Variants in OR9Q1 observed in about 807,000 individuals in gnomAD.
The protein encoded by OR9Q1 is olfactory receptor 9Q1.
For missense variants in OR9Q1, 374 were observed against 378.8 expected, an observed-to-expected ratio of 0.99 and a Z score of 0.11; for synonymous variants, 153 against 148.6, an observed-to-expected ratio of 1.03 and a Z score of -0.22.
intron 2 of OR9Q1, chr11:58,075,321 A>G (rs1428894252): frequency 6.6e-6 from 1 of 152,146 alleles, no homozygotes; most frequent in Non-Finnish European, 1.5e-5. Flanking sequence ...GAGGTCCTTC[A>G]TGTCCCTTGT....
chr11:58,094,768 C>T (rs1025840942), intron 2 of OR9Q1, among the ~76,000 whole-genome samples: 2 of 152,084 alleles, frequency 1.3e-5, no homozygotes, highest in Non-Finnish European at 2.9e-5. Context: ...AACAAAATTG[C>T]CTTTGATTTC....
chr11:58,132,750 G>A (rs970715351), intron 2 of OR9Q1, among the ~76,000 whole-genome samples: 5 of 152,180 alleles, frequency 3.3e-5, no homozygotes, highest in Admixed American at 6.5e-5. Context: ...ACAAGATGAA[G>A]GTTGAGTGAG....
Position 58,179,678 on chromosome 11 carries a change from C to G in OR9Q1, c.234C>G (p.Val78=). 1.2e-6 allele frequency: 2 copies of G among 1,614,014 alleles called. No homozygotes were observed. Among genetic ancestry groups the G allele is most frequent in the Non-Finnish European group, 1.7e-6 (2 of 1,179,900 alleles). ...FMDVCYSSIT[V]PQMLAVLLEH... ...ACGTCTGCTACTCATCTATCACTGT[C>G]CCCCAGATGCTGGCAGTGCTGCTGG... The change falls in exon 3 of 3, where the codon GTC becomes GTG. Residue 78 remains valine (V), a synonymous_variant. Transcript: ENST00000335397.
chr11:58,102,702 C>G (rs1159156528), intron 2 of OR9Q1, among the ~76,000 whole-genome samples: 1 of 151,882 alleles, frequency 6.6e-6, no homozygotes, highest in Non-Finnish European at 1.5e-5. Context: ...TTAGAATTCT[C>G]TTTGACTTTT....
intron 2 of OR9Q1, among the ~76,000 whole-genome samples, chr11:58,079,166 A>T (rs1279923577): frequency 6.6e-6 from 1 of 152,120 alleles, no homozygotes; most frequent in Admixed American, 6.6e-5. Context: ...GGCCCTAGAG[A>T]CTACAGCAGA....
chr11:58,167,095 C>A (rs1854512218), intron 2 of OR9Q1, among the ~76,000 whole-genome samples: 1 of 152,190 alleles, frequency 6.6e-6, no homozygotes, highest in African/African-American at 2.4e-5. Context: ...TTATTACCTT[C>A]CACTTATAAG....
At position 58,030,785 on chromosome 11, in the gene OR9Q1, T is replaced by C. The variant is rs574014524; in HGVS notation, c.-93+6681T>C. 5.5e-5 allele frequency: 33 copies of C among 601,774 alleles called. No individual in the cohort carries two copies. The South Asian group carries it at 7.3e-4, about 13-fold the overall frequency. 37.3% of individuals were successfully genotyped at this position (601,774 alleles called of 1,614,324 possible). ...TGTACTAATATTATTTGTTTTCTCA[T>C]GTCCCTCATGAACTGTGAATTCTTT... On this transcript the variant is annotated intron_variant, in intron 1 of 2. Coordinates refer to ENST00000335397, the MANE Select transcript of OR9Q1 (RefSeq NM_001005212.4).
chr11:58,119,144 A>G (rs1565081420), intron 2 of OR9Q1: 3 of 1,613,994 alleles, frequency 1.9e-6, no homozygotes, highest in Non-Finnish European at 2.5e-6. Context: ...AATAAAAAGA[A>G]CTGGGCAGCA....
At chr11:58,123,840 T>C (rs1471356969) in intron 2 of OR9Q1, among the ~76,000 whole-genome samples, 1 of 152,182 alleles carries the variant, frequency 6.6e-6, no homozygotes, top group Non-Finnish European at 1.5e-5. Flanking sequence ...GGGCATCAAG[T>C]ATAAAGATTG....
intron 1 of OR9Q1, among the ~76,000 whole-genome samples, chr11:58,053,411 A>C (rs1324485182): frequency 1.6e-5 from 2 of 126,534 alleles, no homozygotes; most frequent in Non-Finnish European, 3.2e-5. Context: ...GAACACATGG[A>C]CACAGGAAGG....
At chr11:58,128,402 C>G (rs1854109749) in intron 2 of OR9Q1, among the ~76,000 whole-genome samples, 1 of 151,792 alleles carries the variant, frequency 6.6e-6, no homozygotes, top group Admixed American at 6.6e-5. Context: ...AGCTGAGAAA[C>G]AAATCCAAGT....
chr11:58,038,580 C>G (rs889173659), intron 1 of OR9Q1, among the ~76,000 whole-genome samples: 6 of 152,126 alleles, frequency 3.9e-5, no homozygotes, highest in Non-Finnish European at 8.8e-5. Context: ...TATTAGGATA[C>G]TGATTTGTTA....
At chr11:58,163,017 G>T (rs1314520189) in intron 2 of OR9Q1, among the ~76,000 whole-genome samples, 1 of 152,168 alleles carries the variant, frequency 6.6e-6, no homozygotes, top group East Asian at 1.9e-4. Flanking sequence ...ATTTACAGAG[G>T]GGTGAATCAG....
intron 2 of OR9Q1, among the ~76,000 whole-genome samples, chr11:58,134,738 C>T (rs573874141): frequency 9.9e-5 from 15 of 152,106 alleles, no homozygotes; most frequent in Non-Finnish European, 1.3e-4. Flanking sequence ...GCATCCATAT[C>T]CCTATGGCAA....
chr11:58,138,254 C>G (rs554353452), intron 2 of OR9Q1, among the ~76,000 whole-genome samples: 83 of 152,280 alleles, frequency 5.5e-4, no homozygotes, highest in Non-Finnish European at 1.1e-3. Flanking sequence ...TTGTGCCTCC[C>G]CAGCTGGGGC....
intron 2 of OR9Q1, among the ~76,000 whole-genome samples, chr11:58,069,264 A>G (rs1052326517): frequency 1.3e-5 from 2 of 152,174 alleles, no homozygotes; most frequent in Non-Finnish European, 2.9e-5. Flanking sequence ...CTTGAGGGCC[A>G]GTCTCGTAGC....
chr11:58,073,880 C>A (rs1853513826), intron 2 of OR9Q1, among the ~76,000 whole-genome samples: 1 of 152,154 alleles, frequency 6.6e-6, no homozygotes, highest in African/African-American at 2.4e-5. Context: ...TCAACACCTA[C>A]TTATGAGTGA....
chr11:58,024,561 C>A (rs1292993067), intron 1 of OR9Q1, among the ~76,000 whole-genome samples: 1 of 152,138 alleles, frequency 6.6e-6, no homozygotes, highest in Admixed American at 6.5e-5. Context: ...AACTGTTTTT[C>A]CATATTTGTT....
intron 2 of OR9Q1, among the ~76,000 whole-genome samples, chr11:58,069,908 A>G (rs903567228): frequency 3.3e-5 from 5 of 151,762 alleles, no homozygotes; most frequent in Admixed American, 6.6e-5. Flanking sequence ...CCAAAACAAA[A>G]CAAAACACCT....
Sources: gnomAD v4.1 joint callset for allele counts (sites outside exome capture counted in the v4.1 genomes callset) on GRCh38, gnomAD v4.1.1 for gene constraint, MANE v1.5 for transcripts, NCBI Gene and HGNC (gene_info 2026-07-23, HGNC 2026-07-21) for gene names.